The following GALNT17 variants were observed in gnomAD, a reference collection of about 807,000 sequenced individuals.
GALNT17 encodes UDP-GalNAc:polypeptide N-acetylgalactosaminyltransferase-like 3.
In GALNT17, 29 loss-of-function variants were observed where a neutral mutation model predicts 63.7. The observed-to-expected ratio is 0.46, with a 90% confidence interval of 0.34 to 0.62. The LOEUF is 0.62. Ranked by LOEUF, GALNT17 falls within the 20% of genes least tolerant of loss-of-function variation. The pLI, the probability that GALNT17 is intolerant of heterozygous loss-of-function variation, is 0.01. For missense variants in GALNT17, 603 were observed against 799.6 expected (o/e 0.75, Z 2.97); for synonymous variants, 305 against 318.3 (o/e 0.96, Z 0.45).
intron 2 of GALNT17, among the ~76,000 whole-genome samples, chr7:71,361,362 G>A (rs543570321): frequency 2.7e-4 from 41 of 152,316 alleles, no homozygotes; most frequent in Non-Finnish European, 4.3e-4. Context: ...TGCTTCTCAT[G>A]GGAAGTTTTA....
At chr7:71,597,144 T>A (rs1028977083) in intron 6 of GALNT17, among the ~76,000 whole-genome samples, 4 of 151,816 alleles carry the variant, frequency 2.6e-5, no homozygotes, top group Admixed American at 6.6e-5. Context: ...CTCACACCAT[T>A]CCCCTGCCTC....
At position 71,132,970 on chromosome 7, in the gene GALNT17, C is replaced by T; in HGVS notation, c.168C>T (p.Ala56=). Reference sequence around the variant, plus strand: ...TGGCCAACCTCAGCGCGCACAGCGCCAGCCCCATCCAGGATGCGGTCCTGA... The same window carrying T: ...TGGCCAACCTCAGCGCGCACAGCGCTAGCCCCATCCAGGATGCGGTCCTGA... ...AEVANLSAHS[A]SPIQDAVLKR... The change falls in exon 1 of 11, where the codon GCC becomes GCT. Residue 56 remains alanine, a synonymous_variant. Transcript: ENST00000333538. The T allele has an allele frequency of 6.2e-7, 1 of 1,609,244 alleles. No individual in the cohort carries two copies. Among genetic ancestry groups the T allele is most frequent in the Admixed American group, 1.7e-5 (1 of 59,920 alleles).
At chr7:71,636,517 T>C (rs571193843) in intron 6 of GALNT17, among the ~76,000 whole-genome samples, 2 of 152,192 alleles carry the variant, frequency 1.3e-5, no homozygotes, top group African/African-American at 4.8e-5. Flanking sequence ...GACTTCCCAC[T>C]GGGTGGTTTC....
intron 5 of GALNT17, among the ~76,000 whole-genome samples, chr7:71,469,080 T>C (rs182419573): frequency 5.3e-5 from 8 of 152,034 alleles, no homozygotes; most frequent in Non-Finnish European, 1.0e-4. Flanking sequence ...AGTGGAGATA[T>C]GGTGTATATA....
intron 5 of GALNT17, among the ~76,000 whole-genome samples, chr7:71,456,643 G>A (rs1787361602): frequency 6.6e-6 from 1 of 151,770 alleles, no homozygotes; most frequent in Non-Finnish European, 1.5e-5. Context: ...AGAATCGCTT[G>A]AACTCTTGGC....
intron 1 of GALNT17, among the ~76,000 whole-genome samples, chr7:71,313,405 CT>C (rs1289481863): frequency 2.6e-5 from 4 of 152,170 alleles, no homozygotes; most frequent in Admixed American, 6.5e-5. Context: ...CAATGACACT[CT>C]TTCGGTAAAT....
At chr7:71,141,334 C>T (rs1042648391) in intron 1 of GALNT17, among the ~76,000 whole-genome samples, 7 of 149,892 alleles carry the variant, frequency 4.7e-5, no homozygotes, top group Admixed American at 4.0e-4. Context: ...GCCATTGCAC[C>T]GTAGCCTGGG....
chr7:71,540,243 A>C (rs1014975022), intron 5 of GALNT17, among the ~76,000 whole-genome samples: 2 of 150,620 alleles, frequency 1.3e-5, no homozygotes, highest in East Asian at 3.9e-4. Context: ...CAGCCTCCTG[A>C]GTAGCTGGGA....
intron 1 of GALNT17, among the ~76,000 whole-genome samples, chr7:71,258,977 T>A (rs1362709717): frequency 6.6e-6 from 1 of 152,170 alleles, no homozygotes; most frequent in Admixed American, 6.5e-5. Flanking sequence ...GTATTTCTGA[T>A]GCTCAGGGTA....
intron 5 of GALNT17, among the ~76,000 whole-genome samples, chr7:71,554,513 G>A (rs1009012944): frequency 7.9e-5 from 12 of 152,042 alleles, no homozygotes; most frequent in African/African-American, 2.2e-4. Context: ...CCTCCCCTTC[G>A]CCTGGGGTAC....
chr7:71,353,952 A>G (rs1278391255), intron 2 of GALNT17, among the ~76,000 whole-genome samples: 3 of 152,178 alleles, frequency 2.0e-5, no homozygotes, highest in African/African-American at 7.2e-5. Context: ...CAGGAAACTT[A>G]CAATTGTGGC....
At chr7:71,541,484 C>T (rs756272992) in intron 5 of GALNT17, among the ~76,000 whole-genome samples, 11 of 151,884 alleles carry the variant, frequency 7.2e-5, no homozygotes, top group Non-Finnish European at 1.5e-4. Flanking sequence ...ACCCAGGAGG[C>T]GGAGGTTGCA....
At chr7:71,567,003 G>A (rs1562693733) in intron 5 of GALNT17, among the ~76,000 whole-genome samples, 2 of 152,162 alleles carry the variant, frequency 1.3e-5, no homozygotes, top group South Asian at 2.1e-4. Context: ...ACGCGTGTGA[G>A]CCTATTGAGT....
intron 3 of GALNT17, among the ~76,000 whole-genome samples, chr7:71,390,238 G>A (rs1004007673): frequency 2.6e-5 from 4 of 152,164 alleles, no homozygotes; most frequent in African/African-American, 9.7e-5. Flanking sequence ...GTGAGGAGGA[G>A]GCAATGCCAC....
intron 1 of GALNT17, among the ~76,000 whole-genome samples, chr7:71,148,858 TTTTATATATATATA>T (rs912742868): frequency 1.7e-4 from 16 of 91,914 alleles, no homozygotes; most frequent in African/African-American, 6.7e-4. Context: ...ATTATGGTAT[TTTTATATATATATA>T]TATATATATA....
chr7:71,418,731 C>G (rs1206868687), intron 4 of GALNT17, among the ~76,000 whole-genome samples: 1 of 152,118 alleles, frequency 6.6e-6, no homozygotes, highest in African/African-American at 2.4e-5. Context: ...CAGGACATCC[C>G]CAGGGAGGAG....
chr7:71,482,075 A>ATGTG (rs1384133269), intron 5 of GALNT17, among the ~76,000 whole-genome samples: 34 of 40,532 alleles, frequency 8.4e-4, no homozygotes, highest in East Asian at 3.0e-3. Context: ...GTATACATAT[A>ATGTG]TGTATATGTG....
intron 5 of GALNT17, among the ~76,000 whole-genome samples, chr7:71,559,588 G>A (rs145012596): frequency 2.2e-3 from 328 of 152,256 alleles, no homozygotes; most frequent in African/African-American, 7.6e-3. Flanking sequence ...TCAACCAGGC[G>A]CAGTGGCTCA....
In GALNT17 at chr7:71,431,856, T is replaced by A. The variant is rs116159079; in HGVS notation, c.962+10751T>A. Among the ~76,000 whole-genome samples the A allele has an allele frequency of 1.0e-2, 1,516 of 152,264 alleles. 29 individuals carry two copies. The highest frequency in any genetic ancestry group is 0.035 in the African/African-American group (1,459 of 41,554). ...AAAAGCTGTACAATCATGGTTATTA[T>A]TTGTTAATGATGAAAAGATACAGAT... On this transcript the variant is annotated intron_variant, in intron 5 of 10. Transcript: ENST00000333538.
Sources: gnomAD v4.1 joint callset for allele counts (sites outside exome capture counted in the v4.1 genomes callset) on GRCh38, gnomAD v4.1.1 for gene constraint, MANE v1.5 for transcripts, NCBI Gene and HGNC (gene_info 2026-07-23, HGNC 2026-07-21) for gene names.